ERBB4: variants seen among roughly 807,000 people sequenced by gnomAD.
The protein encoded by ERBB4 is receptor tyrosine-protein kinase erbB-4.
Under a neutral mutation model 158.0 loss-of-function variants are expected in ERBB4, and 42 were observed. That is an observed-to-expected ratio of 0.27 (90% CI 0.21 to 0.34). The LOEUF is 0.34. ERBB4 is among the 10% of genes least tolerant of loss of function. The probability of loss-of-function intolerance (pLI) is 1.00; values close to 1 mark genes in which losing one functional copy is unlikely to be tolerated. For missense variants in ERBB4, 1,333 were observed against 1,624.1 expected (o/e 0.82, Z 3.08); for synonymous variants, 583 against 558.7 (o/e 1.04, Z -0.61).
intron 2 of ERBB4, among the ~76,000 whole-genome samples, chr2:212,043,291 C>T (rs1247091842): frequency 3.3e-5 from 5 of 152,068 alleles, no homozygotes; most frequent in East Asian, 3.8e-4. Context: ...TACATAGGTA[C>T]GCTGTTTATT....
intron 3 of ERBB4, among the ~76,000 whole-genome samples, chr2:211,942,516 C>T (rs1228103398): frequency 6.6e-6 from 1 of 151,916 alleles, no homozygotes; most frequent in Non-Finnish European, 1.5e-5. Flanking sequence ...GCCATCAAGC[C>T]TTCTATTCTA....
rs547911736 is a variant in ERBB4 at position 212,476,067 on chromosome 2, T to C, written c.82+62382A>G. Among the ~76,000 whole-genome samples, 64 of 152,024 alleles carry C rather than the reference T, an allele frequency of 4.2e-4. 1 individual carries two copies. The highest frequency in any genetic ancestry group is 3.9e-3 in the Admixed American group (60 of 15,228). On this transcript the variant is annotated intron_variant, in intron 1 of 27. Coordinates refer to ENST00000342788, the MANE Select transcript of ERBB4 (RefSeq NM_005235.3). Reference sequence around the variant, plus strand: ...AGCTTAAATATTACTTCCTCAGTGATGCCTGGAAAAGTTACTTAGCCCCAT... The same window carrying C: ...AGCTTAAATATTACTTCCTCAGTGACGCCTGGAAAAGTTACTTAGCCCCAT...
chr2:211,916,832 A>C (rs1427256281), intron 3 of ERBB4, among the ~76,000 whole-genome samples: 1 of 152,228 alleles, frequency 6.6e-6, no homozygotes, highest in Non-Finnish European at 1.5e-5. Flanking sequence ...AATAGGAAAG[A>C]CATAGGAAAT....
At position 211,725,186 on chromosome 2, in the gene ERBB4, T is replaced by A. The variant is rs2106132624; in HGVS notation, c.631A>T (p.Thr211Ser). The change falls in exon 6 of 28, where the codon ACG (threonine) becomes TCG (serine). Residue 211 changes from threonine (T) to serine (S), a missense_variant. Thr to Ser is a moderately conservative substitution (Grantham distance 58). Transcript: ENST00000342788. ...TENHCQTLTR[T>S]VCAEQCDGRC... ...CCGTCACATTGTTCTGCACACACCG[T>A]CCTTGTCACTGCAGAAGACAGAGAT... 6.2e-7 allele frequency: 1 copy of A among 1,612,172 alleles called. No homozygotes were observed. Among genetic ancestry groups the A allele is most frequent in the Non-Finnish European group, 8.5e-7 (1 of 1,178,322 alleles).
chr2:212,395,984 A>G (rs1379446187), intron 1 of ERBB4, among the ~76,000 whole-genome samples: 3 of 152,130 alleles, frequency 2.0e-5, no homozygotes, highest in African/African-American at 7.2e-5. Context: ...TAGAGATACT[A>G]CGAGAGTCTT....
chr2:211,484,770 C>T (rs1454363990), intron 20 of ERBB4, among the ~76,000 whole-genome samples: 1 of 152,144 alleles, frequency 6.6e-6, no homozygotes, highest in Non-Finnish European at 1.5e-5. Context: ...GAGATTTCAA[C>T]ATCTATCTGT....
chr2:211,809,227 T>A (rs2076691502), intron 3 of ERBB4, among the ~76,000 whole-genome samples: 1 of 152,208 alleles, frequency 6.6e-6, no homozygotes, highest in South Asian at 2.1e-4. Flanking sequence ...GAGGATTCCC[T>A]CTTTTTCTAT....
At chr2:211,532,480 T>C (rs116616861) in intron 20 of ERBB4, among the ~76,000 whole-genome samples, 4,775 of 152,138 alleles carry the variant, frequency 0.031, 249 homozygotes, top group African/African-American at 0.11. Flanking sequence ...TTATAATTTA[T>C]GGTTTTAATG....
intron 20 of ERBB4, among the ~76,000 whole-genome samples, chr2:211,558,981 C>G (rs2067313074): frequency 6.6e-6 from 1 of 152,030 alleles, no homozygotes; most frequent in African/African-American, 2.4e-5. Flanking sequence ...TGTATATATA[C>G]AGTACTGACC....
chr2:211,723,056 G>A (rs1346721321), intron 6 of ERBB4, among the ~76,000 whole-genome samples: 1 of 152,160 alleles, frequency 6.6e-6, no homozygotes. Context: ...CAAATACAGT[G>A]CATGTAATGC....
chr2:211,513,518 G>A (rs968718638), intron 20 of ERBB4, among the ~76,000 whole-genome samples: 12 of 152,008 alleles, frequency 7.9e-5, no homozygotes, highest in Admixed American at 3.9e-4. Flanking sequence ...TTATTTAGCC[G>A]AGGCTTGTCC....
chr2:211,585,762 C>T (rs1363166301), intron 19 of ERBB4, among the ~76,000 whole-genome samples: 1 of 151,912 alleles, frequency 6.6e-6, no homozygotes, highest in Non-Finnish European at 1.5e-5. Flanking sequence ...GCATAGGTAC[C>T]TATTATTCAG....
chr2:211,401,282 T>C (rs2063036228), intron 25 of ERBB4, among the ~76,000 whole-genome samples: 1 of 152,184 alleles, frequency 6.6e-6, no homozygotes, highest in South Asian at 2.1e-4. Context: ...ATAAAATCTT[T>C]ATTATTTTTG....
At chr2:211,426,805 TATATG>T (rs2063638360) in intron 22 of ERBB4, among the ~76,000 whole-genome samples, 1 of 151,068 alleles carries the variant, frequency 6.6e-6, no homozygotes, top group Admixed American at 6.6e-5. Context: ...TAAAATATAC[TATATG>T]ATATAATATA....
At position 211,705,337 on chromosome 2, in the gene ERBB4, C is replaced by T. The variant is rs777683600; in HGVS notation, c.1179G>A (p.Arg393=). 3.1e-6 allele frequency: 5 copies of T among 1,611,812 alleles called. No homozygotes were observed. The East Asian group carries it at 1.1e-4, about 36-fold the overall frequency. Residue 393 remains arginine (R), a synonymous_variant, in exon 10 of 28, where the codon CGG becomes CGA. Transcript: ENST00000342788. ...AATTACCTGTTATCTCTCTGACTGT[C>T]CGAAAGACGTTCAGTTTCTCTGGGT... ...AIDPEKLNVF[R]TVREITGFLN...
chr2:212,247,273 A>G (rs2084344875), intron 1 of ERBB4, among the ~76,000 whole-genome samples: 1 of 152,108 alleles, frequency 6.6e-6, no homozygotes, highest in African/African-American at 2.4e-5. Flanking sequence ...AAGTAGATAT[A>G]ATTCTTCTGT....
intron 1 of ERBB4, among the ~76,000 whole-genome samples, chr2:212,176,031 A>G (rs1055219980): frequency 6.6e-6 from 1 of 152,024 alleles, no homozygotes; most frequent in African/African-American, 2.4e-5. Context: ...TTAACAGAAC[A>G]CTTCATTTCC....
Position 212,434,943 on chromosome 2 carries a change from A to G in ERBB4, c.82+103506T>C, listed in dbSNP as rs1021018612. Among the ~76,000 whole-genome samples the G allele has an allele frequency of 4.6e-5, 7 of 152,160 alleles. No individual in the cohort carries two copies. In the South Asian group the frequency reaches 6.2e-4, roughly 14 times the overall value. ...GAAGAAAAGAAAATTTTCAAGAAACAAATGATTTAAAGTCCAGATTTCTTT... is the reference window on the plus strand; with the variant it reads ...GAAGAAAAGAAAATTTTCAAGAAACGAATGATTTAAAGTCCAGATTTCTTT... On this transcript the variant is annotated intron_variant, in intron 1 of 27. Coordinates refer to ENST00000342788, the MANE Select transcript of ERBB4 (RefSeq NM_005235.3).
chr2:211,406,050 C>G (rs920642162), intron 25 of ERBB4, among the ~76,000 whole-genome samples: 1 of 152,178 alleles, frequency 6.6e-6, no homozygotes, highest in African/African-American at 2.4e-5. Flanking sequence ...TCAAATCTCT[C>G]TTTGTTTTAA....
Sources: gnomAD v4.1 joint callset for allele counts (sites outside exome capture counted in the v4.1 genomes callset) on GRCh38, gnomAD v4.1.1 for gene constraint, MANE v1.5 for transcripts, NCBI Gene and HGNC (gene_info 2026-07-23, HGNC 2026-07-21) for gene names.